Variants in ANO4 observed in about 807,000 individuals in gnomAD.
ANO4 encodes the protein anoctamin 4.
A neutral mutation model predicts 141.9 loss-of-function variants in ANO4; 69 were observed. That is an observed-to-expected ratio of 0.49 (90% CI 0.40 to 0.59). ANO4 has a LOEUF of 0.59. ANO4 is among the 20% of genes least tolerant of loss of function. ANO4 has a pLI of 0.00. For missense variants in ANO4, 894 were observed against 1,162.2 expected, an observed-to-expected ratio of 0.77 and a Z score of 3.36; for synonymous variants, 350 against 394.3, an observed-to-expected ratio of 0.89 and a Z score of 1.33.
At chr12:100,992,504 A>G (rs2045182855) in intron 8 of ANO4, among the ~76,000 whole-genome samples, 1 of 152,130 alleles carries the variant, frequency 6.6e-6, no homozygotes, top group South Asian at 2.1e-4. Context: ...ACTCAGCTCC[A>G]AAGACTCCTG....
intron 1 of ANO4, among the ~76,000 whole-genome samples, chr12:100,883,173 A>G (rs1408872250): frequency 6.6e-6 from 1 of 152,244 alleles, no homozygotes; most frequent in Non-Finnish European, 1.5e-5. Context: ...AAAATTTCAA[A>G]CAGCAAATAC....
chr12:100,740,872 C>T (rs2031833532), intron 3 of ANO4, among the ~76,000 whole-genome samples: 1 of 152,156 alleles, frequency 6.6e-6, no homozygotes, highest in Non-Finnish European at 1.5e-5. Flanking sequence ...TCTGTATTGT[C>T]TATGGCTGTT....
intron 4 of ANO4, among the ~76,000 whole-genome samples, chr12:100,939,712 A>G (rs2042429743): frequency 6.6e-6 from 1 of 152,202 alleles, no homozygotes; most frequent in African/African-American, 2.4e-5. Context: ...AAGATAGCCT[A>G]CATTCTTGAG....
chr12:100,875,510 A>C (rs1000503768), intron 1 of ANO4, among the ~76,000 whole-genome samples: 1 of 152,198 alleles, frequency 6.6e-6, no homozygotes, highest in Non-Finnish European at 1.5e-5. Flanking sequence ...AATGATGATA[A>C]ACTTTTAAAA....
chr12:100,792,391 G>A (rs939627921), upstream of ANO4, among the ~76,000 whole-genome samples: 1 of 152,106 alleles, frequency 6.6e-6, no homozygotes, highest in African/African-American at 2.4e-5. Context: ...AATGGCCATC[G>A]ATCCAACAAA....
In ANO4 at chr12:100,860,958, C is replaced by T. The variant is rs942297178; in HGVS notation, c.-140-40688C>T. On this transcript the variant is annotated intron_variant, in intron 1 of 27. Transcript: ENST00000392977. Reference sequence around the variant, plus strand: ...TGAGTGTTACAGCTCTTAAAGATGGCACAGACCCAAAGAGTGAGCAACAGC... The same window carrying T: ...TGAGTGTTACAGCTCTTAAAGATGGTACAGACCCAAAGAGTGAGCAACAGC... Among the ~76,000 whole-genome samples the T allele has an allele frequency of 5.5e-4, 83 of 152,172 alleles. 5 individuals are homozygous for T. The highest frequency in any genetic ancestry group is 4.8e-5 in the African/African-American group (2 of 41,448).
intron 7 of ANO4, among the ~76,000 whole-genome samples, chr12:100,979,291 CA>C (rs1489660846): frequency 6.6e-6 from 1 of 152,080 alleles, no homozygotes; most frequent in Non-Finnish European, 1.5e-5. Context: ...GGTTCTCAAA[CA>C]TGTGTCAGGA....
At chr12:101,117,230 G>A (rs2050890593) in intron 25 of ANO4, among the ~76,000 whole-genome samples, 3 of 152,172 alleles carry the variant, frequency 2.0e-5, no homozygotes, top group Admixed American at 2.0e-4. Context: ...AGAAGCCTGT[G>A]GAAAGAGGCC....
intron 8 of ANO4, among the ~76,000 whole-genome samples, 186 bp from the exon 9 acceptor site, chr12:101,019,848 C>A (rs2046452624): frequency 6.6e-6 from 1 of 152,114 alleles, no homozygotes. Flanking sequence ...TGCTGAAAAC[C>A]AAAACTACTC....
At chr12:101,003,078 C>T (rs978516103) in intron 8 of ANO4, among the ~76,000 whole-genome samples, 1 of 152,188 alleles carries the variant, frequency 6.6e-6, no homozygotes, top group African/African-American at 2.4e-5. Flanking sequence ...AAAAAGAAAA[C>T]ACTCATCTTC....
At chr12:100,991,068 G>T (rs2045076579) in intron 8 of ANO4, among the ~76,000 whole-genome samples, 1 of 152,106 alleles carries the variant, frequency 6.6e-6, no homozygotes, top group African/African-American at 2.4e-5. Context: ...GACCTCAGTG[G>T]GACCAAGAGA....
intron 5 of ANO4, among the ~76,000 whole-genome samples, chr12:100,961,519 A>G (rs530128367): frequency 1.6e-4 from 24 of 152,348 alleles, no homozygotes; most frequent in African/African-American, 5.8e-4. Context: ...GACATGTAGC[A>G]TGAACAAGAA....
At chr12:100,893,204 G>A (rs1276938435) in intron 1 of ANO4, among the ~76,000 whole-genome samples, 2 of 151,332 alleles carry the variant, frequency 1.3e-5, no homozygotes, top group Non-Finnish European at 2.9e-5. Flanking sequence ...TATTGGATTA[G>A]GGCTATGAAA....
At chr12:100,977,858 G>A (rs1280352039) in intron 7 of ANO4, among the ~76,000 whole-genome samples, 1 of 152,122 alleles carries the variant, frequency 6.6e-6, no homozygotes. Flanking sequence ...CTCGCCCATC[G>A]CTTCCCTCCC....
chr12:100,727,451 G>A (rs1194618088), intron 1 of ANO4, among the ~76,000 whole-genome samples: 1 of 151,892 alleles, frequency 6.6e-6, no homozygotes, highest in Non-Finnish European at 1.5e-5. Context: ...AATGCTTTTT[G>A]TCTTAAAGCC....
intron 7 of ANO4, among the ~76,000 whole-genome samples, chr12:100,983,734 G>C (rs781225519): frequency 1.3e-4 from 20 of 152,158 alleles, no homozygotes; most frequent in Non-Finnish European, 2.1e-4. Flanking sequence ...GCTAGAGAAA[G>C]TTCTGCTTTC....
At chr12:101,044,426 T>C (rs753333509) in intron 13 of ANO4, among the ~76,000 whole-genome samples, 1 of 152,220 alleles carries the variant, frequency 6.6e-6, no homozygotes, top group Non-Finnish European at 1.5e-5. Flanking sequence ...TTCCTAGAGT[T>C]TTTTGATACT....
In ANO4 at chr12:100,853,092, C is replaced by T. The variant is rs1018656418; in HGVS notation, c.-140-48554C>T. 2.6e-5 allele frequency among the ~76,000 whole-genome samples: 4 copies of T among 152,050 alleles called. No individual in the cohort carries two copies. In the East Asian group the frequency reaches 5.8e-4, roughly 22 times the overall value. On this transcript the variant is annotated intron_variant, in intron 1 of 27. Transcript: ENST00000392977. ...CAACTTTCTAACCATTTGAATTTCC[C>T]CTTTGATGAGCTGCCTGTTCAAGTC... is the stretch of plus-strand genomic sequence containing the variant.
At chr12:101,001,363 A>C (rs563132113) in intron 8 of ANO4, among the ~76,000 whole-genome samples, 2 of 152,224 alleles carry the variant, frequency 1.3e-5, no homozygotes, top group African/African-American at 2.4e-5. Context: ...CTTCACAGGC[A>C]GGTAGACACT....
Sources: gnomAD v4.1 joint callset for allele counts (sites outside exome capture counted in the v4.1 genomes callset) on GRCh38, gnomAD v4.1.1 for gene constraint, MANE v1.5 for transcripts, NCBI Gene and HGNC (gene_info 2026-07-23, HGNC 2026-07-21) for gene names.